Variants in XKR6 observed in about 807,000 individuals in gnomAD.
The protein encoded by XKR6 is XK related 6, also known as XK-related protein 6.
XKR6 carries 22 observed loss-of-function variants against 56.7 expected under a neutral mutation model. The observed-to-expected ratio is 0.39, with a 90% confidence interval of 0.28 to 0.55. The LOEUF is 0.55. Among genes scored for constraint, XKR6 ranks in the 20% least tolerant of loss-of-function variants. The pLI is 0.66. For synonymous variants in XKR6, 524 were observed against 387.8 expected, an observed-to-expected ratio of 1.35 and a Z score of -4.13; for missense variants, 852 against 889.0, an observed-to-expected ratio of 0.96 and a Z score of 0.53.
At chr8:11,081,016 T>G (rs1797704419) in intron 1 of XKR6, among the ~76,000 whole-genome samples, 1 of 152,240 alleles carries the variant, frequency 6.6e-6, no homozygotes, top group Non-Finnish European at 1.5e-5. Context: ...CTGTAGTTAT[T>G]TGGGACAAAG....
chr8:11,017,704 G>T (rs1798658367), intron 1 of XKR6, among the ~76,000 whole-genome samples: 1 of 152,242 alleles, frequency 6.6e-6, no homozygotes, highest in Non-Finnish European at 1.5e-5. Flanking sequence ...GGAAACACGA[G>T]AGGGGCAGGC....
chr8:11,074,805 C>G (rs150416405), intron 1 of XKR6, among the ~76,000 whole-genome samples: 5 of 152,200 alleles, frequency 3.3e-5, no homozygotes, highest in African/African-American at 1.2e-4. Flanking sequence ...CACAAACTGT[C>G]GCTGAATGAA....
intron 1 of XKR6, among the ~76,000 whole-genome samples, chr8:10,927,007 A>G (rs1341574999): frequency 6.6e-6 from 1 of 152,184 alleles, no homozygotes; most frequent in Non-Finnish European, 1.5e-5. Context: ...GCTGAAGGGG[A>G]AAGCAAAGGT....
intron 1 of XKR6, among the ~76,000 whole-genome samples, chr8:11,033,275 T>C (rs1799039792): frequency 6.6e-6 from 1 of 150,400 alleles, no homozygotes; most frequent in Admixed American, 6.6e-5. Flanking sequence ...ATGATGGCGA[T>C]GATGACGATA....
chr8:11,136,909 A>G (rs1157318205), intron 1 of XKR6: 1 of 152,214 alleles, frequency 6.6e-6, no homozygotes, highest in East Asian at 1.9e-4. Context: ...TTCTTTTTCA[A>G]TATTTGCATA....
At chr8:10,923,425 T>C (rs1387950833) in intron 2 of XKR6, among the ~76,000 whole-genome samples, 2 of 152,144 alleles carry the variant, frequency 1.3e-5, no homozygotes, top group Non-Finnish European at 2.9e-5. Context: ...CGAGTTTGTA[T>C]AGGACAGGCG....
intron 1 of XKR6, among the ~76,000 whole-genome samples, chr8:10,977,467 G>A (rs1029882416): frequency 2.6e-5 from 4 of 151,642 alleles, no homozygotes; most frequent in African/African-American, 4.8e-5. Context: ...TAAGTCCCCC[G>A]CCACTGGAGG....
At chr8:10,954,440 T>C (rs1801814755) in intron 1 of XKR6, among the ~76,000 whole-genome samples, 1 of 152,244 alleles carries the variant, frequency 6.6e-6, no homozygotes, top group Admixed American at 6.5e-5. Flanking sequence ...TTCATGTGCT[T>C]AGTGGCCATT....
At chr8:11,072,668 G>A (rs1041442885) in intron 1 of XKR6, among the ~76,000 whole-genome samples, 1 of 152,238 alleles carries the variant, frequency 6.6e-6, no homozygotes, top group Admixed American at 6.5e-5. Flanking sequence ...CAACACATGG[G>A]TCAGGGTGGG....
At chr8:11,152,670 T>C (rs1172505739) in intron 1 of XKR6, among the ~76,000 whole-genome samples, 1 of 152,234 alleles carries the variant, frequency 6.6e-6, no homozygotes, top group Non-Finnish European at 1.5e-5. Flanking sequence ...CTGTTTGCTT[T>C]TGTATAACAA....
intron 1 of XKR6, among the ~76,000 whole-genome samples, chr8:11,010,214 T>C (rs989167465): frequency 2.0e-5 from 3 of 152,154 alleles, no homozygotes; most frequent in Non-Finnish European, 4.4e-5. Flanking sequence ...CCAGATTTCA[T>C]GAGAACTCAC....
intron 1 of XKR6, among the ~76,000 whole-genome samples, chr8:10,970,902 C>T (rs1306736511): frequency 6.6e-6 from 1 of 151,388 alleles, no homozygotes; most frequent in African/African-American, 2.4e-5. Context: ...ATTCCAGTGC[C>T]AGGAAGAGGT....
intron 1 of XKR6, chr8:11,105,401 C>T (rs182035336): frequency 6.6e-6 from 1 of 152,334 alleles, no homozygotes; most frequent in East Asian, 1.9e-4. Context: ...TGGCACCTGC[C>T]CTCCGCTGGT....
intron 1 of XKR6, among the ~76,000 whole-genome samples, chr8:10,987,835 A>G (rs1264874820): frequency 6.6e-6 from 1 of 152,134 alleles, no homozygotes; most frequent in East Asian, 1.9e-4. Context: ...TGGTCCTCCA[A>G]TGTTTCAGGC....
chr8:10,961,937 C>G (rs1236269563), intron 1 of XKR6, among the ~76,000 whole-genome samples: 1 of 152,192 alleles, frequency 6.6e-6, no homozygotes, highest in East Asian at 1.9e-4. Context: ...ATTTAGTATT[C>G]ATCCAACACA....
chr8:11,085,650 G>A (rs1346383324), intron 1 of XKR6, among the ~76,000 whole-genome samples: 1 of 152,130 alleles, frequency 6.6e-6, no homozygotes, highest in Non-Finnish European at 1.5e-5. Flanking sequence ...GCCATAGGAT[G>A]GTCTCCCATG....
intron 1 of XKR6, among the ~76,000 whole-genome samples, chr8:10,946,383 G>A (rs928896504): frequency 1.3e-5 from 2 of 152,058 alleles, no homozygotes; most frequent in African/African-American, 2.4e-5. Context: ...GAGCCCACCC[G>A]GGGCAGTGAA....
chr8:11,051,869 C>A (rs554350337), intron 1 of XKR6, among the ~76,000 whole-genome samples: 1 of 152,102 alleles, frequency 6.6e-6, no homozygotes, highest in Non-Finnish European at 1.5e-5. Context: ...ACGGGATACA[C>A]GTGCAGAACG....
chr8:11,149,321 T>A (rs765936641), intron 1 of XKR6, among the ~76,000 whole-genome samples: 67 of 152,208 alleles, frequency 4.4e-4, no homozygotes, highest in Admixed American at 1.4e-3. Flanking sequence ...TAGGCAACTA[T>A]AACAAAATGG....
Sources: gnomAD v4.1 joint callset for allele counts (sites outside exome capture counted in the v4.1 genomes callset) on GRCh38, gnomAD v4.1.1 for gene constraint, MANE v1.5 for transcripts, NCBI Gene and HGNC (gene_info 2026-07-23, HGNC 2026-07-21) for gene names.